Variants in SLCO3A1 observed in about 807,000 individuals in gnomAD.
The protein encoded by SLCO3A1 is solute carrier organic anion transporter family member 3A1.
In SLCO3A1, 27 loss-of-function variants were observed where a neutral mutation model predicts 63.1. That is an observed-to-expected ratio of 0.43 (90% CI 0.32 to 0.59). SLCO3A1 has a LOEUF of 0.59. Ranked by LOEUF, SLCO3A1 falls within the 20% of genes least tolerant of loss-of-function variation. The pLI, the probability that SLCO3A1 is intolerant of heterozygous loss-of-function variation, is 0.09. For synonymous variants in SLCO3A1, 473 were observed against 409.9 expected (o/e 1.15, Z -1.86); for missense variants, 773 against 945.8 (o/e 0.82, Z 2.40).
Position 91,950,833 on chromosome 15 carries a change from G to C in SLCO3A1, c.646+34375G>C, listed in dbSNP as rs1899973159. ...CTGCCTTTAGTAATTTGATGACAGA[G>C]ACTTCTTGGGAACCACAGCCAGGGA... On this transcript the variant is annotated intron_variant, in intron 2 of 9. Coordinates refer to ENST00000318445, the MANE Select transcript of SLCO3A1 (RefSeq NM_013272.4). The surrounding 1 kb of genome is among the most constrained non-coding windows in gnomAD (Gnocchi z 4.4). 6.6e-6 allele frequency among the ~76,000 whole-genome samples: 1 copy of C among 151,962 alleles called. No homozygotes were observed. The highest frequency in any genetic ancestry group is 2.4e-5 in the African/African-American group (1 of 41,324).
intron 7 of SLCO3A1, among the ~76,000 whole-genome samples, chr15:92,143,841 C>T (rs576126618): frequency 1.3e-5 from 2 of 152,174 alleles, no homozygotes; most frequent in South Asian, 4.1e-4. Context: ...CACTAGACGC[C>T]CCTGGCACAG....
Position 91,875,767 on chromosome 15 carries a change from A to G in SLCO3A1, c.180+21679A>G, listed in dbSNP as rs1567166710. Among the ~76,000 whole-genome samples the G allele has an allele frequency of 6.6e-6, 1 of 152,228 alleles. No individual in the cohort carries two copies. On this transcript the variant is annotated intron_variant, in intron 1 of 9. Transcript: ENST00000318445. This position sits in a 1 kb window ranked among gnomAD's most constrained non-coding sequence, Gnocchi z 4.5. ...ATTCTAGAGCAGGGGTTGGCAAACT[A>G]TAGCCCATGGGCCAAACCTGGCCTG...
chr15:92,088,308 G>A (rs1327099902), intron 2 of SLCO3A1, among the ~76,000 whole-genome samples: 1 of 152,302 alleles, frequency 6.6e-6, no homozygotes, highest in East Asian at 1.9e-4. Flanking sequence ...CTACAACAGT[G>A]TCTCTTGGAC....
chr15:91,888,685 A>C (rs111315612), intron 1 of SLCO3A1, among the ~76,000 whole-genome samples: 3 of 152,294 alleles, frequency 2.0e-5, no homozygotes, highest in African/African-American at 7.2e-5. Context: ...TACTTGTATT[A>C]ATGTTAGCAG....
rs138445539 is a variant in SLCO3A1 at position 91,959,637 on chromosome 15, T to A, written c.646+43179T>A. Reference sequence around the variant, plus strand: ...ATCCCAGGAAGCTGAGGCAGGAGAATCGCTTGAACCTGGGAGGAGGAGGTT... The same window carrying A: ...ATCCCAGGAAGCTGAGGCAGGAGAAACGCTTGAACCTGGGAGGAGGAGGTT... On this transcript the variant is annotated intron_variant, in intron 2 of 9. Transcript: ENST00000318445. Among the ~76,000 whole-genome samples, 23 of 144,512 alleles carry A rather than the reference T, an allele frequency of 1.6e-4. No homozygotes were observed. In the East Asian group the frequency reaches 4.8e-3, roughly 30 times the overall value. The allele number at this position is 144,512 out of a possible 152,430, so 94.8% of individuals were successfully genotyped here.
At chr15:92,151,893 A>ATGTT (rs1171997984) in intron 9 of SLCO3A1, among the ~76,000 whole-genome samples, 2 of 152,256 alleles carry the variant, frequency 1.3e-5, no homozygotes, top group Non-Finnish European at 2.9e-5. Flanking sequence ...AGCTATAGAA[A>ATGTT]TGTTTGTAAA....
intron 2 of SLCO3A1, among the ~76,000 whole-genome samples, chr15:92,053,684 G>GTTTTTT (rs1567092399): frequency 2.4e-3 from 36 of 14,906 alleles, no homozygotes; most frequent in African/African-American, 3.9e-3. Context: ...TTGTTTTTTT[G>GTTTTTT]TTTGTTTGTT....
rs1441517922 is a variant in SLCO3A1, at chr15:92,163,702, A to G, written c.*567A>G. 3.0e-6 allele frequency: 3 copies of G among 985,432 alleles called. No individual in the cohort carries two copies. Among genetic ancestry groups the G allele is most frequent in the East Asian group, 1.1e-4 (1 of 8,806 alleles). 61.0% of individuals were successfully genotyped at this position (985,432 alleles called of 1,614,324 possible). On this transcript the variant is annotated 3_prime_UTR_variant, in exon 10 of 10. Transcript: ENST00000318445. ...ACCACTCCTCTCTCTGACTTTCGCAATATGGGTCACTGTGTAGACGACTCA... is the reference window on the plus strand; with the variant it reads ...ACCACTCCTCTCTCTGACTTTCGCAGTATGGGTCACTGTGTAGACGACTCA...
intron 3 of SLCO3A1, among the ~76,000 whole-genome samples, chr15:92,099,449 CA>C (rs3030620): frequency 0.33 from 48,813 of 149,682 alleles, 8,012 homozygotes; most frequent in Admixed American, 0.35. Context: ...AAATGAACTA[CA>C]AAAAAAAAAA....
In SLCO3A1 at chr15:91,860,443, T is replaced by A. The variant is rs1897019869; in HGVS notation, c.180+6355T>A. ...TAGTCATGTGATAGAGTACTTCTCA[T>A]AGGGTACAGTATTCCACAGTTGCTT... is the stretch of plus-strand genomic sequence containing the variant. On this transcript the variant is annotated intron_variant, in intron 1 of 9. Transcript: ENST00000318445. The surrounding 1 kb of genome is among the most constrained non-coding windows in gnomAD (Gnocchi z 5.5). Among the ~76,000 whole-genome samples the A allele has an allele frequency of 6.6e-6, 1 of 152,198 alleles. No individual in the cohort carries two copies. The highest frequency in any genetic ancestry group is 1.5e-5 in the Non-Finnish European group (1 of 68,026).
chr15:91,941,389 GCCACC>G lies in SLCO3A1; in HGVS notation c.646+24933_646+24937del, dbSNP rs1899614992. On this transcript the variant is annotated intron_variant, in intron 2 of 9. Transcript: ENST00000318445. The surrounding 1 kb of genome is among the most constrained non-coding windows in gnomAD (Gnocchi z 4.4). ...GATTCCCTGGGAGGCTGTGGGGTCT[GCCACC>G]CAGCAGATCTGTGTCACGGGAGTGG... 2.6e-6 allele frequency: 1 copy of G among 378,944 alleles called. No individual in the cohort carries two copies. The allele number at this position is 378,944 out of a possible 1,614,324, so 23.5% of individuals were successfully genotyped here.
intron 5 of SLCO3A1, among the ~76,000 whole-genome samples, chr15:92,122,930 A>C (rs1004872894): frequency 2.6e-5 from 4 of 152,176 alleles, no homozygotes; most frequent in East Asian, 3.8e-4. Flanking sequence ...AGGAATAGTT[A>C]ATTGAGGTGA....
chr15:92,034,879 A>G (rs28502579), intron 2 of SLCO3A1, among the ~76,000 whole-genome samples: 13,259 of 151,946 alleles, frequency 0.087, 1,717 homozygotes, highest in African/African-American at 0.28. Flanking sequence ...TGATAGCTCT[A>G]ACTGTCATTC....
chr15:91,898,081 A>G (rs140177050), intron 1 of SLCO3A1, among the ~76,000 whole-genome samples: 231 of 152,298 alleles, frequency 1.5e-3, no homozygotes, highest in African/African-American at 5.4e-3. Context: ...CCCAGTTAAC[A>G]TTATAGGGCT....
At chr15:91,969,192 G>T (rs534070880) in intron 2 of SLCO3A1, among the ~76,000 whole-genome samples, 1 of 152,298 alleles carries the variant, frequency 6.6e-6, no homozygotes, top group African/African-American at 2.4e-5. Flanking sequence ...GAATGAATGA[G>T]TGAATAAATC....
rs1897607851 is a variant in SLCO3A1 at position 91,882,278 on chromosome 15, GTGCATT to G, written c.180+28194_180+28199del. ...CCCTTCTCAAGCACGCAGTCAGGAT[GTGCATT>G]TGCTGAGTGGAATTGTGGACAAACC... On this transcript the variant is annotated intron_variant, in intron 1 of 9. Transcript: ENST00000318445. The surrounding 1 kb of genome is among the most constrained non-coding windows in gnomAD (Gnocchi z 4.4). Among the ~76,000 whole-genome samples the G allele has an allele frequency of 6.6e-6, 1 of 152,166 alleles. No homozygotes were observed. The highest frequency in any genetic ancestry group is 2.1e-4 in the South Asian group (1 of 4,826).
chr15:92,170,229 T>C (rs969956680), downstream of SLCO3A1, among the ~76,000 whole-genome samples: 3 of 152,174 alleles, frequency 2.0e-5, no homozygotes, highest in Admixed American at 6.5e-5. Context: ...ATTGGAAGCA[T>C]AGAATTTACA....
intron 2 of SLCO3A1, among the ~76,000 whole-genome samples, chr15:92,089,419 A>G (rs1323593036): frequency 6.6e-6 from 1 of 152,140 alleles, no homozygotes; most frequent in Non-Finnish European, 1.5e-5. Flanking sequence ...CCTCACCATC[A>G]TGTACTCTCA....
rs2048483371 is a variant in SLCO3A1, at chr15:92,165,164, G to A, written c.*2029G>A. ...AGCAAGACCAACCAAAAGAAAAGCT[G>A]TGTCGTGGTATGGGGCCACCGTGAT... On this transcript the variant is annotated 3_prime_UTR_variant, in exon 10 of 10. Coordinates refer to ENST00000318445, the MANE Select transcript of SLCO3A1 (RefSeq NM_013272.4). The A allele has an allele frequency of 2.0e-5, 20 of 985,400 alleles. No individual in the cohort carries two copies. The highest frequency in any genetic ancestry group is 2.3e-5 in the Non-Finnish European group (19 of 829,928). The allele number at this position is 985,400 out of a possible 1,614,324, so 61.0% of individuals were successfully genotyped here.
Sources: gnomAD v4.1 joint callset for allele counts (sites outside exome capture counted in the v4.1 genomes callset) on GRCh38, gnomAD v4.1.1 for gene constraint, Gnocchi (gnomAD v3.1) non-coding constraint, MANE v1.5 for transcripts, NCBI Gene and HGNC (gene_info 2026-07-23, HGNC 2026-07-21) for gene names.